The following FRMD4A variants were observed in gnomAD, a reference collection of about 807,000 sequenced individuals.
The protein encoded by FRMD4A is FERM domain containing 4A, also known as FERM domain-containing protein 4A.
Under a neutral mutation model 129.1 loss-of-function variants are expected in FRMD4A, and 29 were observed. That is an observed-to-expected ratio of 0.22 (90% confidence interval 0.17 to 0.31). The LOEUF is 0.31. Ranked by LOEUF, FRMD4A falls within the 10% of genes least tolerant of loss-of-function variation. The pLI is 1.00. For synonymous variants in FRMD4A, 634 were observed against 571.6 expected (o/e 1.11, Z -1.56); for missense variants, 1,272 against 1,375.8 (o/e 0.92, Z 1.19).
At chr10:13,989,485 C>T (rs1220784516) in intron 2 of FRMD4A, among the ~76,000 whole-genome samples, 3 of 152,082 alleles carry the variant, frequency 2.0e-5, no homozygotes, top group Non-Finnish European at 4.4e-5. Flanking sequence ...CCTCCCACCA[C>T]GCCCAACTAA....
intron 2 of FRMD4A, among the ~76,000 whole-genome samples, chr10:13,964,770 C>A (rs1381822157): frequency 6.6e-6 from 1 of 151,372 alleles, no homozygotes; most frequent in Non-Finnish European, 1.5e-5. Flanking sequence ...CTCCCTGCAA[C>A]CTCCACCTCC....
chr10:14,323,377 T>C (rs1336276946), intron 2 of FRMD4A, among the ~76,000 whole-genome samples: 1 of 152,228 alleles, frequency 6.6e-6, no homozygotes, highest in South Asian at 2.1e-4. Context: ...ACATGGTAGC[T>C]ATTATTATCT....
chr10:13,973,928 T>C (rs553882716), intron 2 of FRMD4A, among the ~76,000 whole-genome samples: 1 of 152,244 alleles, frequency 6.6e-6, no homozygotes, highest in Admixed American at 6.5e-5. Flanking sequence ...GTGTGTGTGC[T>C]CTGAACTAAT....
intron 15 of FRMD4A, among the ~76,000 whole-genome samples, chr10:13,688,707 CT>C (rs377624360): frequency 1.1e-4 from 16 of 151,872 alleles, no homozygotes; most frequent in Non-Finnish European, 2.1e-4. Context: ...ATATTGACTT[CT>C]TTTTTATTTA....
rs532827604 is a variant in FRMD4A at position 14,138,050 on chromosome 10, G to A, written c.45+192008C>T. On this transcript the variant is annotated intron_variant, in intron 2 of 24. Coordinates refer to ENST00000357447, the MANE Select transcript of FRMD4A (RefSeq NM_018027.5). ...CAAAGACCACCTTGGCATCCCATTA[G>A]GTAAGCAAATGGGGCCAAAGTGCTT... 1.0e-3 allele frequency among the ~76,000 whole-genome samples: 155 copies of A among 152,282 alleles called. 1 individual carries two copies. Among genetic ancestry groups the A allele is most frequent in the South Asian group, 6.4e-3 (31 of 4,820 alleles).
At chr10:13,973,674 T>A (rs549427198) in intron 2 of FRMD4A, among the ~76,000 whole-genome samples, 32 of 150,214 alleles carry the variant, frequency 2.1e-4, no homozygotes, top group African/African-American at 7.4e-4. Flanking sequence ...GAAAGTTTTA[T>A]CTAAGAGGGA....
At chr10:13,662,890 G>T (rs889902397) in intron 19 of FRMD4A, among the ~76,000 whole-genome samples, 1 of 152,166 alleles carries the variant, frequency 6.6e-6, no homozygotes, top group African/African-American at 2.4e-5. Context: ...GCTATGCCTA[G>T]TGTGTAGATT....
At chr10:14,193,576 A>T (rs1412605430) in intron 2 of FRMD4A, among the ~76,000 whole-genome samples, 3 of 151,886 alleles carry the variant, frequency 2.0e-5, no homozygotes, top group African/African-American at 7.3e-5. Context: ...TTTGAAGAAC[A>T]TACAATTTAG....
At chr10:13,908,577 G>A (rs1178063047) in intron 2 of FRMD4A, among the ~76,000 whole-genome samples, 1 of 152,200 alleles carries the variant, frequency 6.6e-6, no homozygotes, top group Non-Finnish European at 1.5e-5. Context: ...ATATACCACA[G>A]GATGTGTCTA....
At chr10:13,709,066 G>A (rs961936706) in intron 12 of FRMD4A, among the ~76,000 whole-genome samples, 2 of 152,102 alleles carry the variant, frequency 1.3e-5, no homozygotes, top group South Asian at 2.1e-4. Flanking sequence ...GGGTTCAAGC[G>A]ATTCTTGTGC....
chr10:14,024,733 G>A (rs982928555), intron 2 of FRMD4A, among the ~76,000 whole-genome samples: 1 of 152,248 alleles, frequency 6.6e-6, no homozygotes, highest in African/African-American at 2.4e-5. Flanking sequence ...TTCACAGTCC[G>A]AGGTGCTGGC....
At chr10:14,319,741 A>T (rs79724609) in intron 2 of FRMD4A, among the ~76,000 whole-genome samples, 1 of 152,220 alleles carries the variant, frequency 6.6e-6, no homozygotes, top group African/African-American at 2.4e-5. Flanking sequence ...CCACTGCCAG[A>T]TCTGCCTCCC....
At chr10:14,217,012 C>T (rs2131964858) in intron 2 of FRMD4A, among the ~76,000 whole-genome samples, 1 of 152,282 alleles carries the variant, frequency 6.6e-6, no homozygotes, top group Non-Finnish European at 1.5e-5. Context: ...GCTGGGAAGT[C>T]CTCCTGACAG....
chr10:13,984,441 T>C lies in FRMD4A; in HGVS notation c.46-125529A>G, dbSNP rs114048066. Among the ~76,000 whole-genome samples, 1,500 of 152,336 alleles carry C rather than the reference T, an allele frequency of 9.8e-3. 20 individuals are homozygous for C. The highest frequency in any genetic ancestry group is 0.027 in the Middle Eastern group (8 of 292). On this transcript the variant is annotated intron_variant, in intron 2 of 24. Transcript: ENST00000357447. ...AACCATTTTTAAATGTGCCGTTCAGTGGCATTAAGTATATTCACAGCGTTG... is the reference window on the plus strand; with the variant it reads ...AACCATTTTTAAATGTGCCGTTCAGCGGCATTAAGTATATTCACAGCGTTG...
chr10:14,158,768 G>T (rs1840729346), intron 2 of FRMD4A, among the ~76,000 whole-genome samples: 1 of 150,762 alleles, frequency 6.6e-6, no homozygotes, highest in Non-Finnish European at 1.5e-5. Flanking sequence ...AGAGGATGAG[G>T]AAGAAGAGGA....
Position 13,878,822 on chromosome 10 carries a change from G to GGGAAGGAAGGAAGGAAGGAAGGAAGGAA in FRMD4A, c.46-19938_46-19911dup, listed in dbSNP as rs71388126. Reference sequence around the variant, plus strand: ...AAGGAGAGAAAGAGAGAGGGAGGGAGGGAAGGAAGGAAGGAAGGAAGGAAG... The same window carrying GGGAAGGAAGGAAGGAAGGAAGGAAGGAA: ...AAGGAGAGAAAGAGAGAGGGAGGGAGGGAAGGAAGGAAGGAAGGAAGGAAGGAAGGAAGGAAGGAAGGAAGGAAGGAAG... On this transcript the variant is annotated intron_variant, in intron 2 of 24. Coordinates refer to ENST00000357447, the MANE Select transcript of FRMD4A (RefSeq NM_018027.5). 9.4e-3 allele frequency among the ~76,000 whole-genome samples: 1,323 copies of GGGAAGGAAGGAAGGAAGGAAGGAAGGAA among 140,834 alleles called. 36 individuals carry two copies. Among genetic ancestry groups the GGGAAGGAAGGAAGGAAGGAAGGAAGGAA allele is most frequent in the African/African-American group, 0.033 (1,221 of 36,586 alleles). The allele number at this position is 140,834 out of a possible 152,430, so 92.4% of individuals were successfully genotyped here. A position where few individuals can be genotyped will look rare whatever the true frequency, so the allele number is the denominator to read the frequency against.
intron 6 of FRMD4A, among the ~76,000 whole-genome samples, chr10:13,774,544 C>T (rs888994967): frequency 6.6e-6 from 1 of 152,096 alleles, no homozygotes; most frequent in Non-Finnish European, 1.5e-5. Context: ...AGGACATGTC[C>T]CAGGCAGGAA....
Position 13,929,064 on chromosome 10 carries a change from G to T in FRMD4A, c.46-70152C>A, listed in dbSNP as rs1015524679. ...CGCCAAACCATTTTGTTATTCTCAT[G>T]TTTTATTTCCTTATTATTTGTAAGC... On this transcript the variant is annotated intron_variant, in intron 2 of 24. Coordinates refer to ENST00000357447, the MANE Select transcript of FRMD4A (RefSeq NM_018027.5). 9.9e-5 allele frequency among the ~76,000 whole-genome samples: 15 copies of T among 152,256 alleles called. 1 individual carries two copies. The highest frequency in any genetic ancestry group is 3.4e-4 in the African/African-American group (14 of 41,550).
At chr10:13,962,284 A>T (rs571231014) in intron 2 of FRMD4A, among the ~76,000 whole-genome samples, 184 of 152,322 alleles carry the variant, frequency 1.2e-3, no homozygotes, top group African/African-American at 4.3e-3. Flanking sequence ...AACTTCTCTG[A>T]GCCTCGTTAT....
Sources: gnomAD v4.1 joint callset for allele counts (sites outside exome capture counted in the v4.1 genomes callset) on GRCh38, gnomAD v4.1.1 for gene constraint, MANE v1.5 for transcripts, NCBI Gene and HGNC (gene_info 2026-07-23, HGNC 2026-07-21) for gene names.